FAM184A: variants seen among roughly 807,000 people sequenced by gnomAD.
FAM184A encodes protein FAM184A.
A neutral mutation model predicts 143.8 loss-of-function variants in FAM184A; 99 were observed. The ratio of observed to expected loss-of-function variants is 0.69; its 90% confidence interval spans 0.58 to 0.81. The LOEUF (loss-of-function observed/expected upper bound fraction) is 0.81. Ranked by LOEUF, FAM184A falls within the 40% of genes least tolerant of loss-of-function variation. FAM184A has a pLI of 0.00. For synonymous variants in FAM184A, 427 were observed against 446.4 expected, an observed-to-expected ratio of 0.96 and a Z score of 0.55; for missense variants, 1,217 against 1,310.5, an observed-to-expected ratio of 0.93 and a Z score of 1.10.
chr6:119,014,748 A>C (rs1213987529), intron 5 of FAM184A, among the ~76,000 whole-genome samples: 1 of 152,236 alleles, frequency 6.6e-6, no homozygotes, highest in Non-Finnish European at 1.5e-5. Flanking sequence ...AATGATTACA[A>C]GACAGAAACC....
chr6:118,980,379 A>C (rs771017549), intron 9 of FAM184A, 29 bp from the exon 10 acceptor site: 1 of 1,577,496 alleles, frequency 6.3e-7, no homozygotes, highest in Non-Finnish European at 8.7e-7. Context: ...CACAATGAAG[A>C]ATAAATACAA....
At chr6:118,985,695 C>T (rs1164168988) in intron 9 of FAM184A, among the ~76,000 whole-genome samples, 1 of 152,158 alleles carries the variant, frequency 6.6e-6, no homozygotes, top group Non-Finnish European at 1.5e-5. Context: ...AGGTAAGCCC[C>T]TCTCGTAGCA....
At chr6:119,060,402 C>G (rs778087687) in intron 1 of FAM184A, among the ~76,000 whole-genome samples, 1 of 152,134 alleles carries the variant, frequency 6.6e-6, no homozygotes, top group East Asian at 1.9e-4. Flanking sequence ...ACTGGCAAGA[C>G]AGTGGCTAAA....
chr6:119,108,597 A>C (rs1319910989), intron 1 of FAM184A, among the ~76,000 whole-genome samples: 2 of 152,228 alleles, frequency 1.3e-5, no homozygotes, highest in South Asian at 2.1e-4. Context: ...TCTTCTCTTC[A>C]AATTGCAGGG....
intron 1 of FAM184A, among the ~76,000 whole-genome samples, chr6:119,109,182 TAC>T (rs1219376939): frequency 6.6e-6 from 1 of 152,186 alleles, no homozygotes; most frequent in Non-Finnish European, 1.5e-5. Context: ...AGCCATTAAT[TAC>T]ACACTGTGCC....
At chr6:119,127,233 A>G (rs1037678626) in intron 1 of FAM184A, among the ~76,000 whole-genome samples, 1 of 152,194 alleles carries the variant, frequency 6.6e-6, no homozygotes, top group South Asian at 2.1e-4. Flanking sequence ...CCTTATCTTA[A>G]GGTCAACTGA....
Position 119,006,444 on chromosome 6 carries a change from T to G in FAM184A, c.1815+3A>C. ...TTAGATTGCAGTAGAATTATGAAATTACCTCCACATTTAATAGAGCATCCT... is the reference window on the plus strand; with the variant it reads ...TTAGATTGCAGTAGAATTATGAAATGACCTCCACATTTAATAGAGCATCCT... On this transcript the variant is annotated splice_donor_region_variant and intron_variant, in intron 7 of 17. Transcript: ENST00000338891. 1 of 1,604,444 alleles carries G rather than the reference T, an allele frequency of 6.2e-7. No homozygotes were observed.
In FAM184A at chr6:119,018,651, A is replaced by G. The variant is rs192589610; in HGVS notation, c.1332+1327T>C. 3.3e-5 allele frequency among the ~76,000 whole-genome samples: 5 copies of G among 152,320 alleles called. No homozygotes were observed. The East Asian group carries it at 7.7e-4, about 23-fold the overall frequency. On this transcript the variant is annotated intron_variant, in intron 4 of 17. Coordinates refer to ENST00000338891, the MANE Select transcript of FAM184A (RefSeq NM_024581.6). ...AGCAAATTATATACTTTTAAAAACA[A>G]TCATCTTGGAAGCAGGCTGGTGAGC...
At chr6:119,112,507 T>C (rs1055094271) in intron 1 of FAM184A, among the ~76,000 whole-genome samples, 2 of 152,218 alleles carry the variant, frequency 1.3e-5, no homozygotes, top group Non-Finnish European at 2.9e-5. Context: ...ACTCTTGAGA[T>C]AACATTTTTA....
chr6:119,047,235 G>T (rs187151399), intron 1 of FAM184A, among the ~76,000 whole-genome samples: 351 of 152,256 alleles, frequency 2.3e-3, no homozygotes, highest in Non-Finnish European at 3.9e-3. Flanking sequence ...AGTAACAAAT[G>T]CTGGCAAGGA....
intron 1 of FAM184A, among the ~76,000 whole-genome samples, chr6:119,061,023 A>C (rs549571666): frequency 6.6e-6 from 1 of 152,216 alleles, no homozygotes; most frequent in Non-Finnish European, 1.5e-5. Context: ...TCTGGAGTTT[A>C]AGATTCAGAG....
At chr6:119,022,909 G>A (rs1785499118) in intron 3 of FAM184A, 36 bp downstream of exon 3, 3 of 1,611,242 alleles carry the variant, frequency 1.9e-6, no homozygotes, top group Non-Finnish European at 2.5e-6. Flanking sequence ...GTTGATTTTA[G>A]CTAAGCATTA....
In FAM184A at chr6:119,123,100, T is replaced by G. The variant is rs115934986; in HGVS notation, c.-202+25978A>C. Reference sequence around the variant, plus strand: ...TGGTCTGTGGTCTCAGGCAAAACAGTAGGGGCAGGCGGGGGGATGGTTCAC... The same window carrying G: ...TGGTCTGTGGTCTCAGGCAAAACAGGAGGGGCAGGCGGGGGGATGGTTCAC... On this transcript the variant is annotated intron_variant, in intron 1 of 16. Transcript: ENST00000352896. Among the ~76,000 whole-genome samples, 941 of 151,580 alleles carry G rather than the reference T, an allele frequency of 6.2e-3. 21 individuals are homozygous for G. Among genetic ancestry groups the G allele is most frequent in the African/African-American group, 0.022 (897 of 41,280 alleles).
At chr6:119,081,341 G>A (rs145116539), upstream of FAM184A, among the ~76,000 whole-genome samples, 161 of 152,288 alleles carry the variant, frequency 1.1e-3, no homozygotes, top group African/African-American at 3.5e-3. Context: ...TTCGCAGGGC[G>A]TGCAATGGGA....
intron 9 of FAM184A, among the ~76,000 whole-genome samples, chr6:118,990,775 C>G (rs976198162): frequency 6.0e-5 from 9 of 151,254 alleles, no homozygotes; most frequent in Admixed American, 5.3e-4. Context: ...ATTCCAGCTA[C>G]AGCTACTCGG....
At chr6:118,990,738 A>T (rs550852855) in intron 9 of FAM184A, among the ~76,000 whole-genome samples, 1 of 150,678 alleles carries the variant, frequency 6.6e-6, no homozygotes, top group East Asian at 1.9e-4. Flanking sequence ...AAAAAAAATT[A>T]GCCAGGAGTC....
chr6:119,011,014 A>C (rs1785071089), intron 6 of FAM184A, among the ~76,000 whole-genome samples: 2 of 152,076 alleles, frequency 1.3e-5, no homozygotes, highest in Admixed American at 6.6e-5. Context: ...GAGAATAATA[A>C]GCTATTTTTT....
At chr6:119,038,402 T>C (rs774188057) in intron 1 of FAM184A, among the ~76,000 whole-genome samples, 1 of 152,090 alleles carries the variant, frequency 6.6e-6, no homozygotes, top group Non-Finnish European at 1.5e-5. Flanking sequence ...TAGGAGGTCA[T>C]GACAAAAGAC....
intron 1 of FAM184A, chr6:119,025,544 A>G (rs1785601405): frequency 1.9e-6 from 1 of 518,696 alleles, no homozygotes; most frequent in Non-Finnish European, 3.8e-6. Context: ...CTTTATTTTC[A>G]TTTTAGTTCC....
Sources: gnomAD v4.1 joint callset for allele counts (sites outside exome capture counted in the v4.1 genomes callset) on GRCh38, gnomAD v4.1.1 for gene constraint, MANE v1.5 for transcripts, NCBI Gene and HGNC (gene_info 2026-07-23, HGNC 2026-07-21) for gene names.